Variants in MAP3K9 observed in about 807,000 individuals in gnomAD.
MAP3K9 encodes the protein mitogen-activated protein kinase kinase kinase 9.
In MAP3K9, 46 loss-of-function variants were observed where a neutral mutation model predicts 95.8. The observed-to-expected ratio is 0.48, with a 90% CI of 0.38 to 0.61. The LOEUF is 0.61. Among genes scored for constraint, MAP3K9 ranks in the 20% least tolerant of loss-of-function variants. The pLI, the probability that MAP3K9 is intolerant of heterozygous loss-of-function variation, is 0.00. For synonymous variants in MAP3K9, 533 were observed against 593.8 expected (o/e 0.90, Z 1.49); for missense variants, 1,296 against 1,474.3 (o/e 0.88, Z 1.98).
rs3081458 is a variant in MAP3K9, at chr14:70,742,911, TTATATATA to T, written c.1327-328_1327-321del. 6.0e-4 allele frequency among the ~76,000 whole-genome samples: 86 copies of T among 143,082 alleles called. 1 individual carries two copies. The highest frequency in any genetic ancestry group is 1.7e-3 in the Admixed American group (25 of 14,320). The allele number at this position is 143,082 out of a possible 152,430, so 93.9% of individuals were successfully genotyped here. On this transcript the variant is annotated intron_variant, in intron 5 of 11. Coordinates refer to ENST00000554752, the MANE Select transcript of MAP3K9 (RefSeq NM_001284230.2). ...AAAATTGCCTGTGATTTATATATAT[TTATATATA>T]TATATATATATATATATAGGTTTGA...
intron 2 of MAP3K9, among the ~76,000 whole-genome samples, chr14:70,785,910 A>C (rs1198109537): frequency 2.0e-5 from 3 of 152,186 alleles, no homozygotes; most frequent in Non-Finnish European, 2.9e-5. Context: ...ACCACAGTTG[A>C]CTATGAGTAA....
In MAP3K9 at chr14:70,727,940, G is replaced by A. The variant is rs1403617327; in HGVS notation, c.*2440C>T. 1 of 152,072 alleles carries A rather than the reference G, an allele frequency of 6.6e-6. No individual in the cohort carries two copies. The highest frequency in any genetic ancestry group is 1.5e-5 in the Non-Finnish European group (1 of 68,054). The allele number at this position is 152,072 out of a possible 1,614,324, so 9.4% of individuals were successfully genotyped here. ...GCTGCAACCTACCACAATGGCAAAA[G>A]TTAAAAATGAGCAAAGGAAAAATCT... is the stretch of plus-strand genomic sequence containing the variant. On this transcript the variant is annotated 3_prime_UTR_variant, in exon 12 of 12. Coordinates refer to ENST00000554752, the MANE Select transcript of MAP3K9 (RefSeq NM_001284230.2).
chr14:70,790,431 G>A lies in MAP3K9; in HGVS notation c.820+10236C>T, dbSNP rs575158853. Among the ~76,000 whole-genome samples, 23 of 152,300 alleles carry A rather than the reference G, an allele frequency of 1.5e-4. No individual in the cohort carries two copies. In the East Asian group the frequency reaches 2.5e-3, roughly 17 times the overall value. ...TGTCCAAACCCCTCATTTTGCAGAT[G>A]AAGAATCTGAGGTCCAGAGAGATCA... On this transcript the variant is annotated intron_variant, in intron 2 of 11. Transcript: ENST00000554752.
intron 3 of MAP3K9, among the ~76,000 whole-genome samples, chr14:70,753,522 C>T (rs931048118): frequency 1.3e-5 from 2 of 152,136 alleles, no homozygotes; most frequent in African/African-American, 4.8e-5. Flanking sequence ...CAGGGAAAGG[C>T]GGGCAGTAGA....
chr14:70,746,086 T>C lies in MAP3K9; in HGVS notation c.1326+2743A>G, dbSNP rs558583354. 3.9e-5 allele frequency among the ~76,000 whole-genome samples: 6 copies of C among 152,306 alleles called. No individual in the cohort carries two copies. In the South Asian group the frequency reaches 8.3e-4, roughly 21 times the overall value. ...ATTCATGGAAGATGCAGAAAAAATA[T>C]TCCTGGTTGGTTGATTTTGCTGTTA... On this transcript the variant is annotated intron_variant, in intron 5 of 11. Coordinates refer to ENST00000554752, the MANE Select transcript of MAP3K9 (RefSeq NM_001284230.2).
intron 5 of MAP3K9, among the ~76,000 whole-genome samples, chr14:70,747,943 C>A (rs1170620809): frequency 2.6e-5 from 4 of 151,946 alleles, no homozygotes; most frequent in Non-Finnish European, 4.4e-5. Context: ...CCCATCTCAA[C>A]TAAAAATACA....
chr14:70,744,705 T>A (rs2054121558), intron 5 of MAP3K9, among the ~76,000 whole-genome samples: 1 of 152,140 alleles, frequency 6.6e-6, no homozygotes, highest in African/African-American at 2.4e-5. Context: ...CACACTCCCC[T>A]GAAACAAACT....
At chr14:70,785,482 TTCTC>T (rs1221375580) in intron 2 of MAP3K9, among the ~76,000 whole-genome samples, 3 of 152,106 alleles carry the variant, frequency 2.0e-5, no homozygotes, top group African/African-American at 4.8e-5. Flanking sequence ...TTAATGTGGT[TTCTC>T]TCTCTCTCTG....
chr14:70,740,340 G>A (rs567056855), intron 6 of MAP3K9, among the ~76,000 whole-genome samples, 176 bp from the exon 7 acceptor site: 1 of 152,116 alleles, frequency 6.6e-6, no homozygotes, highest in Non-Finnish European at 1.5e-5. Context: ...AAGGGACATG[G>A]GGAGATGAAC....
At position 70,725,078 on chromosome 14, in the gene MAP3K9, AG is replaced by A. The variant is rs938826766; in HGVS notation, c.*5301del. ...TCTGTTTCCAAGGGTTAACAAAGAG[AG>A]GTGTGGAAAAGCTCAGCTCCTATAA... On this transcript the variant is annotated 3_prime_UTR_variant, in exon 12 of 12. Transcript: ENST00000554752. 1 of 152,302 alleles carries A rather than the reference AG, an allele frequency of 6.6e-6. No homozygotes were observed. Among genetic ancestry groups the A allele is most frequent in the Non-Finnish European group, 1.5e-5 (1 of 68,156 alleles). 9.4% of individuals were successfully genotyped at this position (152,302 alleles called of 1,614,324 possible). A position where few individuals can be genotyped will look rare whatever the true frequency, so the allele number is the denominator to read the frequency against.
chr14:70,773,158 T>C (rs989088308), intron 2 of MAP3K9, among the ~76,000 whole-genome samples: 4 of 152,210 alleles, frequency 2.6e-5, no homozygotes, highest in Admixed American at 2.6e-4. Flanking sequence ...ATGCTGCAAC[T>C]ATAAGCACGT....
chr14:70,750,011 C>T lies in MAP3K9; in HGVS notation c.1072G>A (p.Ala358Thr), dbSNP rs751015012. 14 of 1,614,148 alleles carry T rather than the reference C, an allele frequency of 8.7e-6. No homozygotes were observed. Among genetic ancestry groups the T allele is most frequent in the African/African-American group, 1.3e-5 (1 of 75,038 alleles). The part of the protein sequence containing the change: ...PFRGIDGLAV[A>T]YGVAMNKLAL... Reference sequence around the variant, plus strand: ...AGTTTGTTCATGGCCACTCCATAAGCGACTGCTAAGCCATCAATGCCTCGA... The same window carrying T: ...AGTTTGTTCATGGCCACTCCATAAGTGACTGCTAAGCCATCAATGCCTCGA... Residue 358 changes from alanine to threonine, a missense_variant, in exon 4 of 12, where the codon GCT becomes ACT. Physicochemically the swap from Ala to Thr is moderately conservative, Grantham distance 58. Transcript: ENST00000554752.
chr14:70,809,242 C>A lies in MAP3K9; in HGVS notation c.-71G>T, dbSNP rs1242022916. 13 of 1,279,544 alleles carry A rather than the reference C, an allele frequency of 1.0e-5. No homozygotes were observed. The highest frequency in any genetic ancestry group is 1.3e-5 in the Non-Finnish European group (13 of 1,018,948). The allele number at this position is 1,279,544 out of a possible 1,614,324, so 79.3% of individuals were successfully genotyped here. On this transcript the variant is annotated 5_prime_UTR_variant, in exon 1 of 12. Coordinates refer to ENST00000554752, the MANE Select transcript of MAP3K9 (RefSeq NM_001284230.2). The stretch of plus-strand genomic sequence containing the variant: ...GCCGCCGCCGCCTATTGTTCATGCG[C>A]CTCCGCAGAGCTGGGAGGACCCCCC...
chr14:70,783,265 G>C, intron 2 of MAP3K9: 1 of 946,650 alleles, frequency 1.1e-6, no homozygotes, highest in South Asian at 4.8e-5. Context: ...ACAACGGTAA[G>C]GTGGGAAGGA....
intron 2 of MAP3K9, among the ~76,000 whole-genome samples, chr14:70,782,543 G>C (rs1312803761): frequency 6.6e-6 from 1 of 152,174 alleles, no homozygotes; most frequent in African/African-American, 2.4e-5. Flanking sequence ...AGTTGCCATT[G>C]TGAACCACAA....
At chr14:70,793,096 G>A (rs1380837848) in intron 2 of MAP3K9, among the ~76,000 whole-genome samples, 1 of 152,204 alleles carries the variant, frequency 6.6e-6, no homozygotes, top group Non-Finnish European at 1.5e-5. Flanking sequence ...CCCAAGTTGG[G>A]AACAAAGGGA....
At chr14:70,761,822 A>T (rs1333818668) in intron 2 of MAP3K9, among the ~76,000 whole-genome samples, 3 of 152,228 alleles carry the variant, frequency 2.0e-5, no homozygotes, top group Non-Finnish European at 4.4e-5. Context: ...GATATTGTGT[A>T]CATTCACAAT....
intron 2 of MAP3K9, among the ~76,000 whole-genome samples, chr14:70,782,223 A>G (rs966344502): frequency 1.8e-4 from 28 of 152,222 alleles, no homozygotes; most frequent in Non-Finnish European, 3.4e-4. Context: ...GAAAGAATGC[A>G]GTGGAAGTGA....
Position 70,776,631 on chromosome 14 carries a change from G to A in MAP3K9, c.821-15449C>T, listed in dbSNP as rs754546237. On this transcript the variant is annotated intron_variant, in intron 2 of 11. Transcript: ENST00000554752. ...ACGATCTTAAAGCTCTGCTCTCTCC[G>A]TTAGAGATTCACCCTCAAAATAGGT... Among the ~76,000 whole-genome samples the A allele has an allele frequency of 1.3e-3, 201 of 152,112 alleles. 3 individuals are homozygous for A. The highest frequency in any genetic ancestry group is 1.3e-3 in the East Asian group (7 of 5,186).
Sources: allele counts gnomAD v4.1 joint callset (sites outside exome capture counted in the v4.1 genomes callset), GRCh38; gene constraint gnomAD v4.1.1; transcripts MANE v1.5; gene names NCBI Gene and HGNC (gene_info 2026-07-23, HGNC 2026-07-21).